AOPEP: variants seen among roughly 807,000 people sequenced by gnomAD.
AOPEP encodes aminopeptidase O (putative).
A neutral mutation model predicts 98.1 loss-of-function variants in AOPEP; 77 were observed. The observed-to-expected ratio is 0.78, with a 90% CI of 0.65 to 0.95. AOPEP has a LOEUF of 0.95. Ranked by LOEUF, AOPEP falls within the 40% of genes least tolerant of loss-of-function variation. The pLI, the probability that AOPEP is intolerant of heterozygous loss-of-function variation, is 0.00. For missense variants in AOPEP, 1,024 were observed against 1,024.7 expected, an observed-to-expected ratio of 1.00 and a Z score of 0.01; for synonymous variants, 346 against 365.3, an observed-to-expected ratio of 0.95 and a Z score of 0.60.
At chr9:94,807,268 C>G (rs537379189) in intron 5 of AOPEP, among the ~76,000 whole-genome samples, 1 of 152,142 alleles carries the variant, frequency 6.6e-6, no homozygotes, top group South Asian at 2.1e-4. Context: ...CTTGTCAGAT[C>G]GAGAAGTAGC....
chr9:94,999,867 A>G (rs1451680308), intron 11 of AOPEP, among the ~76,000 whole-genome samples: 1 of 152,160 alleles, frequency 6.6e-6, no homozygotes, highest in Non-Finnish European at 1.5e-5. Context: ...AGCCTTCATT[A>G]GAATCTCAGA....
intron 14 of AOPEP, among the ~76,000 whole-genome samples, 192 bp from the exon 15 acceptor site, chr9:95,080,502 C>T (rs939306953): frequency 4.6e-5 from 7 of 152,010 alleles, no homozygotes; most frequent in African/African-American, 1.4e-4. Flanking sequence ...GGTGACAGAG[C>T]GAGTCTCTGT....
chr9:94,932,829 T>G, intron 7 of AOPEP: 1 of 985,432 alleles, frequency 1.0e-6, no homozygotes, highest in Non-Finnish European at 1.2e-6. Flanking sequence ...TTGTATCCGA[T>G]GTGTCTGAGA....
Position 94,759,977 on chromosome 9 carries a change from A to G in AOPEP, c.194A>G (p.Gln65Arg). 1 of 1,614,228 alleles carries G rather than the reference A, an allele frequency of 6.2e-7. No individual in the cohort carries two copies. The highest frequency in any genetic ancestry group is 8.5e-7 in the Non-Finnish European group (1 of 1,180,024). Residue 65 changes from glutamine to arginine, a missense_variant, in exon 2 of 17, where the codon CAA becomes CGA. This residue lies in a region of AOPEP where 440 missense variants were observed against 433.8 expected (regional missense o/e 1.01). Transcript: ENST00000375315. ...AATAGCTCTATTGAGGAAGCCTGCC[A>G]ATCAGAATCAAACAAAGCCTGCAAA... Reference protein sequence around the residue: ...KQNSSIEEACQSESNKACKFG... With the variant: ...KQNSSIEEACRSESNKACKFG...
chr9:94,763,097 G>A (rs970504448), intron 2 of AOPEP: 6 of 457,922 alleles, frequency 1.3e-5, no homozygotes, highest in African/African-American at 1.2e-4. Flanking sequence ...CTCAGGCTGG[G>A]ATGAGAAGCT....
chr9:94,945,669 C>T (rs2057539462), intron 7 of AOPEP, among the ~76,000 whole-genome samples: 1 of 152,204 alleles, frequency 6.6e-6, no homozygotes, highest in Admixed American at 6.5e-5. Context: ...GGGCCATCTG[C>T]TCCTCGTTGA....
intron 6 of AOPEP, among the ~76,000 whole-genome samples, chr9:94,925,462 C>T (rs62579048): frequency 3.3e-5 from 5 of 152,238 alleles, no homozygotes; most frequent in Admixed American, 2.6e-4. Context: ...TGGAGGTCAC[C>T]TTCTCTAGCT....
chr9:94,942,901 T>A, intron 7 of AOPEP, among the ~76,000 whole-genome samples: 1 of 103,386 alleles, frequency 9.7e-6, no homozygotes, highest in African/African-American at 4.5e-5. Flanking sequence ...TGAGAGTCTG[T>A]CTCAAAAAAA....
At chr9:94,794,338 C>CT (rs1846436499) in intron 4 of AOPEP, among the ~76,000 whole-genome samples, 2 of 152,204 alleles carry the variant, frequency 1.3e-5, no homozygotes, top group Non-Finnish European at 2.9e-5. Flanking sequence ...CAGACAGTCA[C>CT]TAAGTCAGTA....
At chr9:94,764,692 G>C (rs1196911382) in intron 2 of AOPEP, among the ~76,000 whole-genome samples, 1 of 151,958 alleles carries the variant, frequency 6.6e-6, no homozygotes, top group African/African-American at 2.4e-5. Context: ...GTAGTATCCT[G>C]AAACAGAAAA....
chr9:94,846,106 A>G (rs1377298239), intron 5 of AOPEP, among the ~76,000 whole-genome samples: 3 of 152,064 alleles, frequency 2.0e-5, no homozygotes, highest in Admixed American at 1.3e-4. Context: ...AAAAAAAAAA[A>G]AAAAATTTGA....
At chr9:95,037,977 G>A (rs1426276421) in intron 13 of AOPEP, among the ~76,000 whole-genome samples, 1 of 152,114 alleles carries the variant, frequency 6.6e-6, no homozygotes, top group African/African-American at 2.4e-5. Context: ...TTAGATGAAA[G>A]GTGCTCGGTG....
At chr9:94,936,043 A>C (rs948779320) in intron 7 of AOPEP, among the ~76,000 whole-genome samples, 4 of 151,284 alleles carry the variant, frequency 2.6e-5, no homozygotes, top group African/African-American at 7.3e-5. Context: ...CCTCAATTCA[A>C]CTCCTCTTCT....
chr9:95,011,067 T>TA (rs1299539336), intron 13 of AOPEP, among the ~76,000 whole-genome samples: 9 of 152,138 alleles, frequency 5.9e-5, no homozygotes, highest in African/African-American at 2.2e-4. Flanking sequence ...TTGCTATATA[T>TA]TTTTTTAAGC....
the AOPEP span, chr9:95,114,374 G>C: frequency 7.6e-5 from 40 of 524,008 alleles, no homozygotes; most frequent in African/African-American, 6.7e-4. Context: ...TCTAAAACCA[G>C]ACGTTAATGT....
At chr9:94,812,389 G>C (rs192940135) in intron 5 of AOPEP, among the ~76,000 whole-genome samples, 11 of 152,228 alleles carry the variant, frequency 7.2e-5, no homozygotes, top group Middle Eastern at 3.4e-3. Flanking sequence ...GTCCTCCCCA[G>C]AATCCGGAAG....
At chr9:94,981,085 G>T (rs1055619388) in intron 11 of AOPEP, among the ~76,000 whole-genome samples, 5 of 152,190 alleles carry the variant, frequency 3.3e-5, no homozygotes, top group African/African-American at 7.2e-5. Context: ...TAGGGAGGGG[G>T]AAAGAAAGAG....
the AOPEP span, chr9:95,125,334 G>A: frequency 1.3e-5 from 9 of 705,320 alleles, no homozygotes; most frequent in Non-Finnish European, 2.3e-5. Flanking sequence ...GTCCTTGTGT[G>A]AAAACAGGAT....
intron 11 of AOPEP, among the ~76,000 whole-genome samples, chr9:95,001,764 A>G (rs151236261): frequency 3.9e-5 from 6 of 152,244 alleles, no homozygotes; most frequent in African/African-American, 1.4e-4. Flanking sequence ...ATTTTTTAAA[A>G]TTTATCGTTA....
Sources: allele counts gnomAD v4.1 joint callset (sites outside exome capture counted in the v4.1 genomes callset), GRCh38; gene constraint gnomAD v4.1.1; regional missense constraint gnomAD v4.1.1; transcripts MANE v1.5; gene names NCBI Gene and HGNC (gene_info 2026-07-23, HGNC 2026-07-21).